The following PHF24 variants were observed in gnomAD, a reference collection of about 807,000 sequenced individuals.
PHF24 encodes the protein Galpha inhibitory interacting protein.
PHF24 carries 25 observed loss-of-function variants against 42.6 expected under a neutral mutation model. The ratio of observed to expected loss-of-function variants is 0.59; its 90% confidence interval spans 0.43 to 0.82. PHF24 has a LOEUF of 0.82. PHF24 is among the 40% of genes least tolerant of loss of function. The pLI is 0.00. For synonymous variants in PHF24, 185 were observed against 204.8 expected (o/e 0.90, Z 0.83); for missense variants, 470 against 538.1 (o/e 0.87, Z 1.25).
the PHF24 span, among the ~76,000 whole-genome samples, chr9:34,878,531 C>T: frequency 6.6e-6 from 1 of 152,192 alleles, no homozygotes; most frequent in Non-Finnish European, 1.5e-5. Context: ...CTGTGCTTTT[C>T]CAATGGTCTT....
the PHF24 span, among the ~76,000 whole-genome samples, chr9:34,898,250 A>G: frequency 6.6e-6 from 1 of 152,234 alleles, no homozygotes; most frequent in African/African-American, 2.4e-5. Context: ...GAATCTTCAC[A>G]CTGTTTTCCA....
At chr9:34,806,981 A>G in the PHF24 span, among the ~76,000 whole-genome samples, 39 of 152,268 alleles carry the variant, frequency 2.6e-4, no homozygotes, top group Non-Finnish European at 4.7e-4. Flanking sequence ...ATACAAGATC[A>G]TATCATCTGC....
chr9:34,726,728 G>A, the PHF24 span: 2 of 1,551,642 alleles, frequency 1.3e-6, no homozygotes, highest in Non-Finnish European at 1.7e-6. Flanking sequence ...TTGTGACAGT[G>A]TTGGGGTTAC....
the PHF24 span, chr9:34,723,861 G>A: frequency 1.4e-5 from 21 of 1,551,562 alleles, no homozygotes; most frequent in African/African-American, 2.7e-5. Flanking sequence ...CCAGGGACTC[G>A]TGGAGGTAGC....
the PHF24 span, among the ~76,000 whole-genome samples, chr9:34,839,807 T>G: frequency 6.6e-6 from 1 of 152,206 alleles, no homozygotes; most frequent in Non-Finnish European, 1.5e-5. Context: ...ATGGCTTATT[T>G]CAAATAATTT....
chr9:34,745,702 C>A, the PHF24 span, among the ~76,000 whole-genome samples: 1 of 145,186 alleles, frequency 6.9e-6, no homozygotes, highest in African/African-American at 2.5e-5. Flanking sequence ...AAAAATATAC[C>A]CACAACTTTA....
At chr9:34,976,698 G>A (rs1341886961) in exon 5 of PHF24, 1 of 1,614,116 alleles carries the variant, frequency 6.2e-7, no homozygotes, top group Non-Finnish European at 8.5e-7. Flanking sequence ...CTGACTTCTT[G>A]TCCCATGAGT....
the PHF24 span, among the ~76,000 whole-genome samples, chr9:34,675,883 T>C: frequency 6.6e-6 from 1 of 151,958 alleles, no homozygotes; most frequent in Non-Finnish European, 1.5e-5. Context: ...CTGAAGGAGA[T>C]AGCTTTGCAA....
At chr9:34,963,425 G>A (rs1309844252) in intron 1 of PHF24, among the ~76,000 whole-genome samples, 2 of 152,092 alleles carry the variant, frequency 1.3e-5, no homozygotes, top group East Asian at 3.9e-4. Flanking sequence ...TAGGCATATG[G>A]CTTTTCCTAA....
the PHF24 span, among the ~76,000 whole-genome samples, chr9:34,774,239 G>A: frequency 5.3e-5 from 8 of 152,256 alleles, no homozygotes; most frequent in South Asian, 1.7e-3. Context: ...AGATAAAGAT[G>A]TAACTTAAAC....
the PHF24 span, among the ~76,000 whole-genome samples, chr9:34,931,298 C>A: frequency 6.7e-6 from 1 of 149,382 alleles, no homozygotes; most frequent in South Asian, 2.1e-4. Context: ...ATGGCATGAA[C>A]CCGAGAGGCG....
the PHF24 span, among the ~76,000 whole-genome samples, chr9:34,687,022 G>A: frequency 1.3e-5 from 2 of 152,040 alleles, no homozygotes; most frequent in South Asian, 4.2e-4. Flanking sequence ...GAGATAAGGG[G>A]GTAAGACCCA....
the PHF24 span, among the ~76,000 whole-genome samples, chr9:34,714,095 G>A: frequency 2.0e-5 from 3 of 152,110 alleles, no homozygotes; most frequent in Non-Finnish European, 4.4e-5. Context: ...GCCTAGAGGA[G>A]AAATAATTGA....
chr9:34,937,229 T>G, the PHF24 span, among the ~76,000 whole-genome samples: 8 of 152,284 alleles, frequency 5.3e-5, no homozygotes, highest in African/African-American at 1.7e-4. Flanking sequence ...GGGGAAAAGA[T>G]TGAGAAATCG....
At chr9:34,908,453 TA>T in the PHF24 span, among the ~76,000 whole-genome samples, 7 of 152,280 alleles carry the variant, frequency 4.6e-5, no homozygotes, top group African/African-American at 1.7e-4. Flanking sequence ...GGAAAATATG[TA>T]GTATGTTAGA....
At chr9:34,780,352 A>G in the PHF24 span, among the ~76,000 whole-genome samples, 2 of 119,704 alleles carry the variant, frequency 1.7e-5, no homozygotes, top group Non-Finnish European at 3.2e-5. Context: ...GCTGGAGTGC[A>G]GTGGTGTGAT....
the PHF24 span, chr9:34,837,675 C>G: frequency 3.4e-5 from 52 of 1,523,798 alleles, no homozygotes; most frequent in African/African-American, 4.1e-4. Context: ...GCATCTCTAG[C>G]TCTTTGCCTG....
At chr9:34,911,246 T>C in the PHF24 span, among the ~76,000 whole-genome samples, 2 of 151,398 alleles carry the variant, frequency 1.3e-5, no homozygotes, top group Non-Finnish European at 2.9e-5. Context: ...TTTTCTTTTC[T>C]TTTCTTTTTC....
At chr9:34,781,838 A>G in the PHF24 span, among the ~76,000 whole-genome samples, 1 of 152,198 alleles carries the variant, frequency 6.6e-6, no homozygotes, top group Non-Finnish European at 1.5e-5. Context: ...CACTCTTGCA[A>G]TCAATAGGTT....
Sources: allele counts gnomAD v4.1 joint callset (sites outside exome capture counted in the v4.1 genomes callset), GRCh38; gene constraint gnomAD v4.1.1; transcripts MANE v1.5; gene names NCBI Gene and HGNC (gene_info 2026-07-23, HGNC 2026-07-21).